The following GRM1 variants were observed in gnomAD, a reference collection of about 807,000 sequenced individuals.
GRM1 encodes the protein metabotropic glutamate receptor 1.
In GRM1, 33 loss-of-function variants were observed where a neutral mutation model predicts 90.9. The observed-to-expected ratio is 0.36, with a 90% CI of 0.28 to 0.49. The LOEUF is 0.49. GRM1 is among the 20% of genes least tolerant of loss of function. GRM1 has a pLI of 0.99. For missense variants in GRM1, 1,190 were observed against 1,534.3 expected, an observed-to-expected ratio of 0.78 and a Z score of 3.75; for synonymous variants, 700 against 613.2, an observed-to-expected ratio of 1.14 and a Z score of -2.09.
At chr6:146,088,222 A>G (rs1465906577) in intron 1 of GRM1, among the ~76,000 whole-genome samples, 2 of 152,004 alleles carry the variant, frequency 1.3e-5, no homozygotes, top group Non-Finnish European at 2.9e-5. Flanking sequence ...CTTATATTTT[A>G]TGTGTATATT....
At position 146,399,355 on chromosome 6, in the gene GRM1, C is replaced by G; in HGVS notation, c.2316C>G (p.Phe772Leu). The part of the protein sequence containing the change: ...LLIMSCTYYA[F>L]KTRNVPANFN... ...TCATGAGCTGTACCTACTATGCCTT[C>G]AAGACCCGCAACGTGCCCGCCAACT... The change falls in exon 7 of 8, where the codon TTC (phenylalanine) becomes TTG (leucine). Residue 772 changes from phenylalanine (F) to leucine (L), a missense_variant. By Grantham distance (22) the Phe-to-Leu change is conservative. Around this residue, in one of 10 missense-constraint regions of GRM1, gnomAD observed 73 missense variants for 150.6 expected, o/e 0.48. Coordinates refer to ENST00000282753, the MANE Select transcript of GRM1 (RefSeq NM_001278064.2). This position sits in a 1 kb window ranked among gnomAD's most constrained non-coding sequence, Gnocchi z 5.4. The G allele has an allele frequency of 6.2e-7, 1 of 1,614,170 alleles. No individual in the cohort carries two copies. The highest frequency in any genetic ancestry group is 8.5e-7 in the Non-Finnish European group (1 of 1,180,022).
intron 3 of GRM1, among the ~76,000 whole-genome samples, chr6:146,322,065 CTTCGGATGTGGT>C (rs1784208527): frequency 6.6e-6 from 1 of 152,068 alleles, no homozygotes; most frequent in South Asian, 2.1e-4. Context: ...TGCTGGTGAC[CTTCGGATGTGGT>C]TTTGGTGTGG....
At chr6:146,393,556 G>A (rs1776811000) in intron 6 of GRM1, among the ~76,000 whole-genome samples, 1 of 151,916 alleles carries the variant, frequency 6.6e-6, no homozygotes, top group Non-Finnish European at 1.5e-5. Flanking sequence ...GTCAATTTTG[G>A]CTTTTGTTGC....
At chr6:146,221,573 A>C (rs1347779440) in intron 2 of GRM1, among the ~76,000 whole-genome samples, 1 of 152,046 alleles carries the variant, frequency 6.6e-6, no homozygotes, top group Non-Finnish European at 1.5e-5. Context: ...TATGTACCAC[A>C]TTTTCTTTAT....
At chr6:146,416,871 C>T (rs189464495) in intron 7 of GRM1, among the ~76,000 whole-genome samples, 1 of 152,276 alleles carries the variant, frequency 6.6e-6, no homozygotes, top group East Asian at 1.9e-4. Context: ...TGATTTTCAG[C>T]AGCTTACTGC....
intron 2 of GRM1, among the ~76,000 whole-genome samples, chr6:146,281,141 T>A (rs1238343713): frequency 6.6e-6 from 1 of 152,230 alleles, no homozygotes; most frequent in Non-Finnish European, 1.5e-5. Flanking sequence ...TCATTAGCAC[T>A]GCTTTTCTAC....
chr6:146,106,220 C>T (rs1297232483), intron 1 of GRM1, among the ~76,000 whole-genome samples: 1 of 152,146 alleles, frequency 6.6e-6, no homozygotes, highest in African/African-American at 2.4e-5. Context: ...AATGGAAATT[C>T]TCTTTAAATG....
At chr6:146,252,450 C>T (rs1781324620) in intron 2 of GRM1, among the ~76,000 whole-genome samples, 1 of 151,910 alleles carries the variant, frequency 6.6e-6, no homozygotes, top group African/African-American at 2.4e-5. Context: ...CCAGCCTGGC[C>T]AACATGGTGA....
chr6:146,411,788 G>GAGAC lies in GRM1; in HGVS notation c.2660+12091_2660+12094dup, dbSNP rs545128736. ...TGTTAAGATATACACAGAGCCAACA[G>GAGAC]AGACATGCCTTTGCCTCAGGATTGT... is the stretch of plus-strand genomic sequence containing the variant. On this transcript the variant is annotated intron_variant, in intron 7 of 7. Coordinates refer to ENST00000282753, the MANE Select transcript of GRM1 (RefSeq NM_001278064.2). Among the ~76,000 whole-genome samples, 321 of 152,314 alleles carry GAGAC rather than the reference G, an allele frequency of 2.1e-3. 2 individuals are homozygous for GAGAC. Among genetic ancestry groups the GAGAC allele is most frequent in the African/African-American group, 7.5e-3 (313 of 41,574 alleles).
chr6:146,400,225 C>A (rs1332081510), intron 7 of GRM1, among the ~76,000 whole-genome samples: 3 of 152,142 alleles, frequency 2.0e-5, no homozygotes, highest in African/African-American at 7.2e-5. Flanking sequence ...CACTACTGAG[C>A]ACCAAGTATG....
chr6:146,402,448 G>A (rs989005627), intron 7 of GRM1, among the ~76,000 whole-genome samples: 5 of 151,980 alleles, frequency 3.3e-5, no homozygotes, highest in Non-Finnish European at 7.4e-5. Context: ...TTCTTAGTTT[G>A]TCTCCAAAGT....
At chr6:146,316,478 A>G (rs1229699032) in intron 3 of GRM1, among the ~76,000 whole-genome samples, 2 of 152,212 alleles carry the variant, frequency 1.3e-5, no homozygotes, top group Admixed American at 6.5e-5. Flanking sequence ...TGTCTACCAC[A>G]CTAGGTGTCA....
intron 2 of GRM1, among the ~76,000 whole-genome samples, chr6:146,164,733 G>A (rs1777849350): frequency 6.6e-6 from 1 of 152,068 alleles, no homozygotes; most frequent in African/African-American, 2.4e-5. Context: ...TTCTTTCAGG[G>A]TGAGTGAGAG....
intron 3 of GRM1, among the ~76,000 whole-genome samples, chr6:146,348,993 G>A (rs1161693299): frequency 6.6e-6 from 1 of 151,806 alleles, no homozygotes; most frequent in Non-Finnish European, 1.5e-5. Context: ...ATTATAGTAA[G>A]CATTATAGCT....
intron 2 of GRM1, among the ~76,000 whole-genome samples, chr6:146,191,333 C>A (rs753589946): frequency 2.6e-5 from 4 of 152,168 alleles, no homozygotes; most frequent in East Asian, 1.9e-4. Context: ...TTGCTTCCTG[C>A]ACATTTGGCA....
intron 5 of GRM1, among the ~76,000 whole-genome samples, chr6:146,377,093 T>G (rs1776128653): frequency 6.6e-6 from 1 of 152,104 alleles, no homozygotes; most frequent in Non-Finnish European, 1.5e-5. Context: ...GTGGGAGTCC[T>G]TTAAACCTTT....
At chr6:146,270,664 T>G (rs1038049824) in intron 2 of GRM1, among the ~76,000 whole-genome samples, 8 of 152,146 alleles carry the variant, frequency 5.3e-5, no homozygotes, top group Non-Finnish European at 1.0e-4. Context: ...GGTCACAATG[T>G]TGGTGACCAA....
intron 4 of GRM1, among the ~76,000 whole-genome samples, chr6:146,353,111 C>T (rs2115043938): frequency 6.6e-6 from 1 of 152,312 alleles, no homozygotes; most frequent in Admixed American, 6.5e-5. Context: ...TACATAAAAT[C>T]CTCTCCAAGC....
At chr6:146,291,527 A>T (rs1782985560) in intron 2 of GRM1, among the ~76,000 whole-genome samples, 1 of 151,816 alleles carries the variant, frequency 6.6e-6, no homozygotes, top group Admixed American at 6.6e-5. Flanking sequence ...ATTCTAAGAA[A>T]GTCCCCCTTG....
Sources: gnomAD v4.1 joint callset for allele counts (sites outside exome capture counted in the v4.1 genomes callset) on GRCh38, gnomAD v4.1.1 for gene constraint, gnomAD v4.1.1 regional missense constraint, Gnocchi (gnomAD v3.1) non-coding constraint, MANE v1.5 for transcripts, NCBI Gene and HGNC (gene_info 2026-07-23, HGNC 2026-07-21) for gene names.